Variants in CCDC3 observed in about 807,000 individuals in gnomAD.
The protein encoded by CCDC3 is coiled-coil domain containing 3, also known as coiled-coil domain-containing protein 3.
In CCDC3, 24 loss-of-function variants were observed where a neutral mutation model predicts 21.4. The ratio of observed to expected loss-of-function variants is 1.12; its 90% CI spans 0.81 to 1.58. The LOEUF is 1.58. Ranked by LOEUF, CCDC3 falls within the 40% of genes most tolerant of loss-of-function variation. CCDC3 has a pLI of 0.00. For synonymous variants in CCDC3, 186 were observed against 166.0 expected, an observed-to-expected ratio of 1.12 and a Z score of -0.93; for missense variants, 425 against 360.9, an observed-to-expected ratio of 1.18 and a Z score of -1.44.
chr10:12,936,948 C>G (rs12252583), intron 2 of CCDC3, among the ~76,000 whole-genome samples: 14,735 of 152,146 alleles, frequency 0.097, 738 homozygotes, highest in African/African-American at 0.13. Flanking sequence ...ATAAAAAACA[C>G]AAGGCTAAGG....
intron 5 of CCDC3, among the ~76,000 whole-genome samples, chr10:13,029,010 T>C (rs146923348): frequency 6.6e-6 from 1 of 152,262 alleles, no homozygotes; most frequent in Non-Finnish European, 1.5e-5. Context: ...TGTGTGAAAA[T>C]TCCCTCTGAC....
chr10:12,994,405 A>G (rs1370388325), intron 2 of CCDC3, among the ~76,000 whole-genome samples: 1 of 135,836 alleles, frequency 7.4e-6, no homozygotes, highest in Non-Finnish European at 1.6e-5. Context: ...CTCAAAAACA[A>G]AACAAAACAA....
rs1307728337 is a variant in CCDC3, at chr10:13,014,461, AAAAAAAAAAG to A, written c.-1-15959_-1-15950del. Among the ~76,000 whole-genome samples the A allele has an allele frequency of 1.8e-4, 11 of 61,076 alleles. No individual in the cohort carries two copies. In the South Asian group the frequency reaches 3.0e-3, roughly 17 times the overall value. The allele number at this position is 61,076 out of a possible 152,430, so 40.1% of individuals were successfully genotyped here. On this transcript the variant is annotated intron_variant, in intron 5 of 6. Coordinates refer to the CCDC3 transcript ENST00000378839. Reference sequence around the variant, plus strand: ...TGAGACTCTGTCTCAAAAAAAAGAAAAAAAAAAAAGAAAAAAAAAAGAAAAGAAAGAGAGA... The same window carrying A: ...TGAGACTCTGTCTCAAAAAAAAGAAAAAAAAAAAAAGAAAAGAAAGAGAGA...
Position 13,046,384 on chromosome 10 carries a change from C to T in CCDC3, c.-2+3290G>A, listed in dbSNP as rs376556915. 1.0e-3 allele frequency among the ~76,000 whole-genome samples: 149 copies of T among 148,080 alleles called. 1 individual carries two copies. Among genetic ancestry groups the T allele is most frequent in the African/African-American group, 3.6e-3 (143 of 40,038 alleles). On this transcript the variant is annotated intron_variant, in intron 5 of 6. Coordinates refer to the CCDC3 transcript ENST00000378839. ...TCGCGTCACTTCATTCCAGCCTGGG[C>T]AACAGAGCAAGACCCTGTCTCAAAA... is the stretch of plus-strand genomic sequence containing the variant.
At chr10:13,046,355 G>A (rs1389909757) in intron 5 of CCDC3, among the ~76,000 whole-genome samples, 3 of 151,382 alleles carry the variant, frequency 2.0e-5, no homozygotes, top group Non-Finnish European at 2.9e-5. Flanking sequence ...GCAGTGAGCC[G>A]TGATCGCGTC....
At chr10:12,957,802 T>G (rs950829719) in intron 2 of CCDC3, among the ~76,000 whole-genome samples, 1 of 152,210 alleles carries the variant, frequency 6.6e-6, no homozygotes, top group African/African-American at 2.4e-5. Flanking sequence ...ACTTCCTCAA[T>G]AGTTTGTTGA....
chr10:13,040,406 CA>C (rs1453611867), intron 5 of CCDC3, among the ~76,000 whole-genome samples: 11 of 152,164 alleles, frequency 7.2e-5, no homozygotes, highest in Admixed American at 7.2e-4. Flanking sequence ...GAGTCATCCG[CA>C]AAAGTAAACA....
At chr10:13,002,749 T>A (rs1835874956), upstream of CCDC3, among the ~76,000 whole-genome samples, 1 of 152,184 alleles carries the variant, frequency 6.6e-6, no homozygotes, top group African/African-American at 2.4e-5. Flanking sequence ...AATACTCTAG[T>A]CTGGTGGCTT....
At chr10:13,033,065 G>C (rs547833506) in intron 5 of CCDC3, among the ~76,000 whole-genome samples, 1 of 152,296 alleles carries the variant, frequency 6.6e-6, no homozygotes, top group Admixed American at 6.5e-5. Flanking sequence ...AAAGCTGGAG[G>C]CATCATGCTA....
chr10:12,937,732 G>T (rs1757054), intron 2 of CCDC3, among the ~76,000 whole-genome samples: 57,299 of 152,178 alleles, frequency 0.38, 11,152 homozygotes, highest in Admixed American at 0.46. Context: ...TTCATAGCTT[G>T]CAGGCATGGC....
chr10:12,943,141 C>G (rs1397402293), intron 2 of CCDC3, among the ~76,000 whole-genome samples: 1 of 152,072 alleles, frequency 6.6e-6, no homozygotes, highest in African/African-American at 2.4e-5. Context: ...TCCTTAAACT[C>G]TTAGGAAAAA....
chr10:13,006,443 G>A (rs1317774933), upstream of CCDC3, among the ~76,000 whole-genome samples: 1 of 152,196 alleles, frequency 6.6e-6, no homozygotes, highest in African/African-American at 2.4e-5. Flanking sequence ...TGCAACTTTT[G>A]CACAGCCCAA....
At chr10:12,968,202 TAC>T (rs71386134) in intron 2 of CCDC3, among the ~76,000 whole-genome samples, 9,704 of 143,382 alleles carry the variant, frequency 0.068, 386 homozygotes, top group African/African-American at 0.11. Context: ...CACACACACA[TAC>T]ACACACACAC....
intron 2 of CCDC3, among the ~76,000 whole-genome samples, chr10:12,953,062 CG>C (rs765181313): frequency 2.7e-5 from 4 of 150,718 alleles, no homozygotes; most frequent in Non-Finnish European, 5.9e-5. Context: ...CTGATAAAGA[CG>C]TACCCGAGAC....
At chr10:12,995,216 A>G (rs1266512819) in intron 2 of CCDC3, among the ~76,000 whole-genome samples, 9 of 152,260 alleles carry the variant, frequency 5.9e-5, no homozygotes, top group African/African-American at 2.2e-4. Context: ...TTTCAAATTA[A>G]GTTTTAAACT....
chr10:12,919,916 T>C (rs372297712), intron 2 of CCDC3, among the ~76,000 whole-genome samples: 2 of 151,922 alleles, frequency 1.3e-5, no homozygotes, highest in African/African-American at 4.8e-5. Flanking sequence ...GGATGGGCAG[T>C]GACTTGGAGC....
At chr10:12,922,678 C>T (rs990026175) in intron 2 of CCDC3, among the ~76,000 whole-genome samples, 5 of 152,110 alleles carry the variant, frequency 3.3e-5, no homozygotes, top group South Asian at 2.1e-4. Context: ...CTTCCCGCGC[C>T]GCAGGAACCC....
chr10:13,056,610 T>A (rs1489192868), intron 4 of CCDC3, among the ~76,000 whole-genome samples: 1 of 152,150 alleles, frequency 6.6e-6, no homozygotes, highest in Non-Finnish European at 1.5e-5. Flanking sequence ...CCCCCAACTT[T>A]CCCTGGAAAC....
chr10:12,929,435 G>A (rs1362855363), intron 2 of CCDC3, among the ~76,000 whole-genome samples: 2 of 152,144 alleles, frequency 1.3e-5, no homozygotes, highest in East Asian at 3.9e-4. Flanking sequence ...CACAGAAGCA[G>A]CTTGTGAGCA....
Sources: gnomAD v4.1 joint callset for allele counts (sites outside exome capture counted in the v4.1 genomes callset) on GRCh38, gnomAD v4.1.1 for gene constraint, MANE v1.5 for transcripts, NCBI Gene and HGNC (gene_info 2026-07-23, HGNC 2026-07-21) for gene names.